The following GRM5 variants were observed in gnomAD, a reference collection of about 807,000 sequenced individuals.
GRM5 encodes the protein metabotropic glutamate receptor 5.
A neutral mutation model predicts 83.1 loss-of-function variants in GRM5; 19 were observed. That is an observed-to-expected ratio of 0.23 (90% CI 0.16 to 0.34). GRM5 has a LOEUF of 0.34. Among genes scored for constraint, GRM5 ranks in the 10% least tolerant of loss-of-function variants. The probability of loss-of-function intolerance (pLI) is 1.00; values close to 1 mark genes in which losing one functional copy is unlikely to be tolerated. For synonymous variants in GRM5, 675 were observed against 633.6 expected, an observed-to-expected ratio of 1.07 and a Z score of -0.98; for missense variants, 1,160 against 1,588.3, an observed-to-expected ratio of 0.73 and a Z score of 4.58.
At chr11:88,704,532 C>A (rs1277653691) in intron 3 of GRM5, among the ~76,000 whole-genome samples, 1 of 152,080 alleles carries the variant, frequency 6.6e-6, no homozygotes, top group East Asian at 1.9e-4. Context: ...AGAGGAACTG[C>A]ACATTTTGAA....
At chr11:88,835,490 C>A (rs930945704) in intron 3 of GRM5, among the ~76,000 whole-genome samples, 4 of 152,130 alleles carry the variant, frequency 2.6e-5, no homozygotes, top group Non-Finnish European at 5.9e-5. Context: ...TTAAATCTCA[C>A]CTCTGAGTAT....
chr11:88,648,439 T>C (rs1939526214), intron 4 of GRM5, among the ~76,000 whole-genome samples: 1 of 124,274 alleles, frequency 8.0e-6, no homozygotes, highest in Non-Finnish European at 1.7e-5. Flanking sequence ...CACTCATAGG[T>C]GGGAATTGAA....
At position 88,999,128 on chromosome 11, in the gene GRM5, C is replaced by A. The variant is rs569971042; in HGVS notation, c.661+48084G>T. On this transcript the variant is annotated intron_variant, in intron 2 of 9. Transcript: ENST00000305447. The stretch of plus-strand genomic sequence containing the variant: ...ACTTACATGTTAGACCTAAAACCAT[C>A]AAAACCCTAGAAGAAAACCTAGGCA... Among the ~76,000 whole-genome samples, 406 of 152,166 alleles carry A rather than the reference C, an allele frequency of 2.7e-3. 2 individuals are homozygous for A. Among genetic ancestry groups the A allele is most frequent in the African/African-American group, 9.0e-3 (374 of 41,538 alleles).
chr11:88,739,623 C>T (rs923662822), intron 3 of GRM5, among the ~76,000 whole-genome samples: 2 of 152,114 alleles, frequency 1.3e-5, no homozygotes, highest in African/African-American at 2.4e-5. Context: ...ATGTTGTTCT[C>T]GTGATCACGA....
At chr11:89,026,423 C>G (rs894111612) in intron 2 of GRM5, among the ~76,000 whole-genome samples, 1 of 152,152 alleles carries the variant, frequency 6.6e-6, no homozygotes, top group African/African-American at 2.4e-5. Flanking sequence ...CATATAGACA[C>G]TTTATACTTC....
In GRM5 at chr11:88,567,592, A is replaced by G; in HGVS notation, c.2091T>C (p.Ala697=). 4 of 1,614,170 alleles carry G rather than the reference A, an allele frequency of 2.5e-6. No individual in the cohort carries two copies. Among genetic ancestry groups the G allele is most frequent in the Non-Finnish European group, 3.4e-6 (4 of 1,180,014 alleles). ...CCAACTGGATGCATATGAGAATGAA[A>G]GCAATCACTAGCTGGGCACAGGCAC... ...FMSACAQLVI[A]FILICIQLGI... Residue 697 remains alanine (A), a synonymous_variant, in exon 8 of 10, where the codon GCT becomes GCC. Coordinates refer to ENST00000305447, the MANE Select transcript of GRM5 (RefSeq NM_001143831.3). This position sits in a 1 kb window ranked among gnomAD's most constrained non-coding sequence, Gnocchi z 7.3.
intron 3 of GRM5, among the ~76,000 whole-genome samples, chr11:88,782,406 C>T (rs1942990985): frequency 6.6e-6 from 1 of 152,080 alleles, no homozygotes; most frequent in African/African-American, 2.4e-5. Flanking sequence ...CAGGGAAACT[C>T]CCATTTTTAA....
intron 2 of GRM5, among the ~76,000 whole-genome samples, chr11:88,891,482 G>A (rs1366650767): frequency 6.6e-6 from 1 of 151,846 alleles, no homozygotes; most frequent in African/African-American, 2.4e-5. Flanking sequence ...GAAAATAGGT[G>A]AACAGGATTA....
chr11:88,674,767 C>T (rs1399785238), intron 3 of GRM5, among the ~76,000 whole-genome samples: 1 of 151,800 alleles, frequency 6.6e-6, no homozygotes. Flanking sequence ...CTTATTATCT[C>T]TCACTTGAAT....
rs185938125 is a variant in GRM5, at chr11:88,706,533, C to T, written c.912-53130G>A. On this transcript the variant is annotated intron_variant, in intron 3 of 9. Coordinates refer to ENST00000305447, the MANE Select transcript of GRM5 (RefSeq NM_001143831.3). Reference sequence around the variant, plus strand: ...ATGAAATGTTCTTTTAGTAATATTGCGATACAATTTATCATCTAACCCAGG... The same window carrying T: ...ATGAAATGTTCTTTTAGTAATATTGTGATACAATTTATCATCTAACCCAGG... 1.0e-3 allele frequency among the ~76,000 whole-genome samples: 157 copies of T among 152,080 alleles called. No homozygotes were observed. The Middle Eastern group carries it at 0.014, about 13-fold the overall frequency.
rs1943476448 is a variant in GRM5 at position 88,805,106 on chromosome 11, TGGAGCCAGA to T, written c.911+44791_911+44799del. Among the ~76,000 whole-genome samples, 6 of 152,298 alleles carry T rather than the reference TGGAGCCAGA, an allele frequency of 3.9e-5. No homozygotes were observed. In the South Asian group the frequency reaches 1.2e-3, roughly 32 times the overall value. ...CCTAGCAGGCAGTTTGTTAAAGACC[TGGAGCCAGA>T]GTTTCTGTTGTATCAACTTTCACAT... On this transcript the variant is annotated intron_variant, in intron 3 of 9. Transcript: ENST00000305447.
chr11:88,769,029 G>A lies in GRM5; in HGVS notation c.911+80877C>T, dbSNP rs561947727. 7.9e-5 allele frequency among the ~76,000 whole-genome samples: 12 copies of A among 152,150 alleles called. No individual in the cohort carries two copies. The South Asian group carries it at 2.5e-3, about 32-fold the overall frequency. ...TTAACTTTAGAAATGAATGGAATCT[G>A]TAAGACTAGGCTAAAGAAACTGCAT... is the stretch of plus-strand genomic sequence containing the variant. On this transcript the variant is annotated intron_variant, in intron 3 of 9. Transcript: ENST00000305447.
chr11:88,701,545 A>G (rs1435677335), intron 3 of GRM5, among the ~76,000 whole-genome samples: 2 of 152,140 alleles, frequency 1.3e-5, no homozygotes, highest in African/African-American at 4.8e-5. Context: ...CTTGCTTTGT[A>G]TATTTTCCCT....
chr11:88,659,807 G>A (rs554158838), intron 3 of GRM5, among the ~76,000 whole-genome samples: 1 of 152,324 alleles, frequency 6.6e-6, no homozygotes, highest in African/African-American at 2.4e-5. Flanking sequence ...ATTATGGAAT[G>A]TTAGGGCAGC....
chr11:88,993,253 G>A (rs1236247626), intron 2 of GRM5, among the ~76,000 whole-genome samples: 1 of 105,330 alleles, frequency 9.5e-6, no homozygotes, highest in Non-Finnish European at 1.8e-5. Flanking sequence ...AGGACAGAGT[G>A]AGACTCTGTC....
chr11:88,716,928 T>A (rs1941412469), intron 3 of GRM5, among the ~76,000 whole-genome samples: 2 of 152,014 alleles, frequency 1.3e-5, no homozygotes, highest in South Asian at 4.1e-4. Context: ...CCCACTGTTT[T>A]ATTTGGTTTG....
chr11:88,538,193 T>C lies in GRM5; in HGVS notation c.2631-12789A>G, dbSNP rs1490983062. ...AGCAATATTATGGAAATGTGTTAAA[T>C]TTTGTATTGAGTAAAGCCTTTCATT... On this transcript the variant is annotated intron_variant, in intron 8 of 9. Coordinates refer to ENST00000305447, the MANE Select transcript of GRM5 (RefSeq NM_001143831.3). 5.3e-5 allele frequency among the ~76,000 whole-genome samples: 8 copies of C among 152,054 alleles called. No homozygotes were observed. The East Asian group carries it at 1.5e-3, about 29-fold the overall frequency.
chr11:88,628,595 T>C (rs2135267926), intron 4 of GRM5, among the ~76,000 whole-genome samples: 1 of 152,330 alleles, frequency 6.6e-6, no homozygotes, highest in Non-Finnish European at 1.5e-5. Context: ...GGAATCACTA[T>C]GGTAACAGAT....
At chr11:88,952,533 C>T (rs183449285) in intron 2 of GRM5, among the ~76,000 whole-genome samples, 3 of 151,938 alleles carry the variant, frequency 2.0e-5, no homozygotes, top group Non-Finnish European at 4.4e-5. Flanking sequence ...TACCCCAAAA[C>T]GTAAAGAAAA....
Sources: gnomAD v4.1 joint callset for allele counts (sites outside exome capture counted in the v4.1 genomes callset) on GRCh38, gnomAD v4.1.1 for gene constraint, Gnocchi (gnomAD v3.1) non-coding constraint, MANE v1.5 for transcripts, NCBI Gene and HGNC (gene_info 2026-07-23, HGNC 2026-07-21) for gene names.